The following PPP1R42 variants were observed in gnomAD, a reference collection of about 807,000 sequenced individuals.
The protein encoded by PPP1R42 is protein phosphatase 1 regulatory subunit 42.
Under a neutral mutation model 31.0 loss-of-function variants are expected in PPP1R42, and 34 were observed. The ratio of observed to expected loss-of-function variants is 1.10; its 90% CI spans 0.83 to 1.46. The LOEUF is 1.46. PPP1R42 is among the 40% of genes most tolerant of loss of function. The pLI, the probability that PPP1R42 is intolerant of heterozygous loss-of-function variation, is 0.00. For missense variants in PPP1R42, 268 were observed against 303.0 expected (o/e 0.88, Z 0.86); for synonymous variants, 103 against 109.8 (o/e 0.94, Z 0.39).
Position 67,022,246 on chromosome 8 carries a change from T to C in PPP1R42, c.-84-4415A>G, listed in dbSNP as rs80288273. 4.9e-4 allele frequency among the ~76,000 whole-genome samples: 74 copies of C among 152,322 alleles called. 1 individual carries two copies. In the East Asian group the frequency reaches 9.1e-3, roughly 19 times the overall value. The stretch of plus-strand genomic sequence containing the variant: ...CTCACTACTGTGTTTTAATTTGCCA[T>C]TCTCTACTTATTGAGAGACTGAGAG... On this transcript the variant is annotated intron_variant, in intron 1 of 7. Coordinates refer to ENST00000685739, the MANE Select transcript of PPP1R42 (RefSeq NM_001364910.1).
At chr8:66,978,474 G>A (rs905550048) in intron 7 of PPP1R42, among the ~76,000 whole-genome samples, 1 of 152,172 alleles carries the variant, frequency 6.6e-6, no homozygotes, top group Non-Finnish European at 1.5e-5. Flanking sequence ...TCTGTCACCA[G>A]GCTAGAGTGC....
At chr8:66,984,120 G>T in intron 6 of PPP1R42, 1 of 1,584,512 alleles carries the variant, frequency 6.3e-7, no homozygotes, top group Non-Finnish European at 8.6e-7. Context: ...AGAGGCAAGG[G>T]CTTGCAGTAG....
chr8:66,988,419 T>TATCAG lies in PPP1R42; in HGVS notation c.646_650dup (p.Leu218Ter). 1 of 1,578,218 alleles carries TATCAG rather than the reference T, an allele frequency of 6.3e-7. No homozygotes were observed. Among genetic ancestry groups the TATCAG allele is most frequent in the Non-Finnish European group, 8.6e-7 (1 of 1,159,768 alleles). On this transcript the variant is annotated stop_gained and frameshift_variant, in exon 6 of 8. Transcript: ENST00000685739. LOFTEE classifies it high-confidence loss of function. ...ATGTACCCAGTGATTTGGACACCAA[T>TATCAG]ATCAGTCTGTCCCTGTATTTTGGTT...
intron 2 of PPP1R42, among the ~76,000 whole-genome samples, chr8:67,015,560 TTATTATATGTA>T (rs1158258994): frequency 1.3e-5 from 2 of 152,016 alleles, no homozygotes; most frequent in Non-Finnish European, 2.9e-5. Flanking sequence ...ACATTCTTTC[TTATTATATGTA>T]TATTATATGA....
intron 6 of PPP1R42, among the ~76,000 whole-genome samples, chr8:66,986,964 G>A (rs1815037415): frequency 6.6e-6 from 1 of 152,196 alleles, no homozygotes; most frequent in South Asian, 2.1e-4. Context: ...AGGAGTTCGA[G>A]ACCAGCCTGG....
chr8:66,964,405 A>G (rs117740825), intron 7 of PPP1R42, 71 bp from the exon 8 acceptor site: 18,672 of 734,250 alleles, frequency 0.025, 316 homozygotes, highest in Non-Finnish European at 0.03. Context: ...GGTAGCAAAC[A>G]TACAGAATCT....
intron 1 of PPP1R42, among the ~76,000 whole-genome samples, chr8:67,023,806 GTT>G (rs553036503): frequency 6.9e-6 from 1 of 144,964 alleles, no homozygotes; most frequent in African/African-American, 2.5e-5. Context: ...TCTGCTGTAA[GTT>G]TTTTTTTTTT....
chr8:67,019,647 C>G (rs1005611178), intron 1 of PPP1R42, among the ~76,000 whole-genome samples: 4 of 151,922 alleles, frequency 2.6e-5, no homozygotes, highest in African/African-American at 7.3e-5. Flanking sequence ...GTCCCCAGCA[C>G]TTTGGGAAGC....
At chr8:67,027,542 T>G (rs1028575290) in intron 1 of PPP1R42, among the ~76,000 whole-genome samples, 1 of 152,188 alleles carries the variant, frequency 6.6e-6, no homozygotes, top group Non-Finnish European at 1.5e-5. Context: ...AGAATTTGCA[T>G]TGTAGCAGTC....
chr8:66,984,791 A>G, intron 6 of PPP1R42: 1 of 1,608,534 alleles, frequency 6.2e-7, no homozygotes, highest in African/African-American at 1.3e-5. Context: ...ATCAAATTAG[A>G]AATTCTCACT....
At chr8:66,977,335 G>A (rs1228107010) in intron 7 of PPP1R42, among the ~76,000 whole-genome samples, 3 of 143,448 alleles carry the variant, frequency 2.1e-5, no homozygotes, top group African/African-American at 7.6e-5. Context: ...GCCCACCCTT[G>A]CTTTTTTTTT....
chr8:66,994,819 ATAATAG>A (rs1391741564), intron 5 of PPP1R42, among the ~76,000 whole-genome samples: 4 of 152,326 alleles, frequency 2.6e-5, no homozygotes, highest in Non-Finnish European at 4.4e-5. Flanking sequence ...ACTTTTAGAG[ATAATAG>A]TAAATTATCA....
At chr8:67,002,143 C>G (rs1359697566) in intron 5 of PPP1R42, among the ~76,000 whole-genome samples, 1 of 152,172 alleles carries the variant, frequency 6.6e-6, no homozygotes, top group Non-Finnish European at 1.5e-5. Flanking sequence ...TAATTCTTAT[C>G]TTTCTATGTA....
chr8:66,982,456 A>C (rs900119870), intron 6 of PPP1R42, among the ~76,000 whole-genome samples: 4 of 151,980 alleles, frequency 2.6e-5, no homozygotes, highest in African/African-American at 9.7e-5. Flanking sequence ...TCCCCCTTTT[A>C]TTTATTTATT....
intron 7 of PPP1R42, among the ~76,000 whole-genome samples, chr8:66,980,830 ATCTGTGGTCAGT>A (rs1457239244): frequency 6.6e-6 from 1 of 151,602 alleles, no homozygotes; most frequent in African/African-American, 2.4e-5. Flanking sequence ...GGGCTAAAAA[ATCTGTGGTCAGT>A]TCTTTTTTTT....
At position 67,021,350 on chromosome 8, in the gene PPP1R42, G is replaced by A. The variant is rs144059378; in HGVS notation, c.-84-3519C>T. ...TTCAAAATGCAAAGTACAGCCTACA[G>A]AATAAAATTATAAAATCTTAAGCCT... is the stretch of plus-strand genomic sequence containing the variant. On this transcript the variant is annotated intron_variant, in intron 1 of 7. Coordinates refer to ENST00000685739, the MANE Select transcript of PPP1R42 (RefSeq NM_001364910.1). The A allele has an allele frequency of 7.7e-4, 117 of 151,948 alleles. 1 individual carries two copies. Among genetic ancestry groups the A allele is most frequent in the African/African-American group, 2.7e-3 (110 of 41,464 alleles). The allele number at this position is 151,948 out of a possible 1,614,324, so 9.4% of individuals were successfully genotyped here.
At chr8:67,017,532 G>T in intron 2 of PPP1R42, 87 bp downstream of exon 2, 1 of 675,226 alleles carries the variant, frequency 1.5e-6, no homozygotes, top group Admixed American at 3.9e-5. Context: ...TGAAAATATA[G>T]TTAAAATATT....
intron 7 of PPP1R42, among the ~76,000 whole-genome samples, chr8:66,971,460 G>A (rs192363622): frequency 1.2e-3 from 177 of 152,088 alleles, no homozygotes; most frequent in African/African-American, 4.0e-3. Flanking sequence ...TAAATTAATC[G>A]TGTATCGTTT....
At chr8:67,003,603 G>A (rs2129536666) in intron 5 of PPP1R42, among the ~76,000 whole-genome samples, 1 of 151,860 alleles carries the variant, frequency 6.6e-6, no homozygotes, top group Middle Eastern at 3.4e-3. Context: ...GGGCAATTCT[G>A]GTCCTGGTTA....
Sources: allele counts gnomAD v4.1 joint callset (sites outside exome capture counted in the v4.1 genomes callset), GRCh38; gene constraint gnomAD v4.1.1; transcripts MANE v1.5; gene names NCBI Gene and HGNC (gene_info 2026-07-23, HGNC 2026-07-21).